The following NAT2 variants were observed in gnomAD, a reference collection of about 807,000 sequenced individuals.
The protein encoded by NAT2 is arylamine N-acetyltransferase 2.
For missense variants in NAT2, 428 were observed against 339.1 expected (o/e 1.26, Z -2.06); for synonymous variants, 137 against 125.9 (o/e 1.09, Z -0.59).
chr8:18,392,333 G>T lies in NAT2; in HGVS notation c.-7+988G>T, dbSNP rs551321298. Among the ~76,000 whole-genome samples, 7 of 152,136 alleles carry T rather than the reference G, an allele frequency of 4.6e-5. No homozygotes were observed. In the East Asian group the frequency reaches 1.3e-3, roughly 29 times the overall value. ...AGCTGAGGAGCAAGGAAGCCAGTCCGAGTCCCAAAACCTCAAAAGTAGGGA... is the reference window on the plus strand; with the variant it reads ...AGCTGAGGAGCAAGGAAGCCAGTCCTAGTCCCAAAACCTCAAAAGTAGGGA... On this transcript the variant is annotated intron_variant, in intron 1 of 1. Transcript: ENST00000286479.
upstream of NAT2, among the ~76,000 whole-genome samples, chr8:18,390,196 C>CAG (rs34745894): frequency 0.47 from 71,147 of 152,020 alleles, 17,566 homozygotes; most frequent in Middle Eastern, 0.6. Flanking sequence ...AGCCTTCCCA[C>CAG]AGAGTCCCGA....
At chr8:18,394,109 C>T (rs1392478407) in intron 1 of NAT2, among the ~76,000 whole-genome samples, 3 of 151,774 alleles carry the variant, frequency 2.0e-5, no homozygotes, top group South Asian at 4.2e-4. Flanking sequence ...AAAGTACAGT[C>T]AAAGGGGGGT....
chr8:18,398,933 G>A (rs900308886), intron 1 of NAT2, among the ~76,000 whole-genome samples: 8 of 152,150 alleles, frequency 5.3e-5, no homozygotes, highest in Non-Finnish European at 1.2e-4. Flanking sequence ...CCACACAGTA[G>A]CTAGACAGAT....
upstream of NAT2, among the ~76,000 whole-genome samples, chr8:18,388,164 CAA>C (rs1183021362): frequency 7.9e-5 from 12 of 152,158 alleles, no homozygotes; most frequent in African/African-American, 2.7e-4. Context: ...ACTGAGCACC[CAA>C]GAGTTTTAAA....
chr8:18,390,855 C>T (rs1189638690), upstream of NAT2, among the ~76,000 whole-genome samples: 1 of 152,058 alleles, frequency 6.6e-6, no homozygotes, highest in Non-Finnish European at 1.5e-5. Flanking sequence ...TGAAAAGAGG[C>T]AGAAGAAAAA....
At chr8:18,393,645 C>T (rs1227471233) in intron 1 of NAT2, among the ~76,000 whole-genome samples, 7 of 152,152 alleles carry the variant, frequency 4.6e-5, no homozygotes, top group Non-Finnish European at 7.3e-5. Flanking sequence ...AGCAGATATG[C>T]ATGAAGGTTG....
At chr8:18,399,060 TG>T (rs2117620087) in intron 1 of NAT2, among the ~76,000 whole-genome samples, 1 of 152,324 alleles carries the variant, frequency 6.6e-6, no homozygotes, top group Admixed American at 6.5e-5. Context: ...CCAAGGCCAC[TG>T]TTAGTTGTCA....
At chr8:18,389,201 T>C (rs998002286), upstream of NAT2, among the ~76,000 whole-genome samples, 7 of 152,196 alleles carry the variant, frequency 4.6e-5, no homozygotes, top group African/African-American at 1.7e-4. Flanking sequence ...GTGTCAGGTT[T>C]CCAACAATCA....
chr8:18,389,191 G>C (rs1251799278), upstream of NAT2, among the ~76,000 whole-genome samples: 2 of 152,114 alleles, frequency 1.3e-5, no homozygotes, highest in African/African-American at 4.8e-5. Flanking sequence ...TTAATTCCAG[G>C]TGTCAGGTTT....
chr8:18,400,582 G>A lies in NAT2; in HGVS notation c.579G>A (p.Thr193=), dbSNP rs144176822. ...KKKHQKIYLF[T]LEPRTIEDFE... Reference sequence around the variant, plus strand: ...AACACCAAAAAATATACTTATTTACGCTTGAACCTCGAACAATTGAAGATT... The same window carrying A: ...AACACCAAAAAATATACTTATTTACACTTGAACCTCGAACAATTGAAGATT... The change falls in exon 2 of 2, where the codon ACG becomes ACA. Residue 193 remains threonine (T), a synonymous_variant. Coordinates refer to ENST00000286479, the MANE Select transcript of NAT2 (RefSeq NM_000015.3). The A allele has an allele frequency of 1.8e-5, 29 of 1,612,810 alleles. No individual in the cohort carries two copies. Among genetic ancestry groups the A allele is most frequent in the African/African-American group, 1.1e-4 (8 of 74,782 alleles).
upstream of NAT2, among the ~76,000 whole-genome samples, chr8:18,391,070 C>G (rs1011277588): frequency 6.6e-6 from 1 of 152,110 alleles, no homozygotes; most frequent in Non-Finnish European, 1.5e-5. Flanking sequence ...GGGCACAGCT[C>G]TCCTAGCCTG....
Position 18,400,998 on chromosome 8 carries a change from C to A in NAT2, c.*122C>A. 1 of 609,976 alleles carries A rather than the reference C, an allele frequency of 1.6e-6. No homozygotes were observed. The highest frequency in any genetic ancestry group is 2.6e-6 in the Non-Finnish European group (1 of 384,230). 37.8% of individuals were successfully genotyped at this position (609,976 alleles called of 1,614,324 possible). A position where few individuals can be genotyped will look rare whatever the true frequency, so the allele number is the denominator to read the frequency against. ...TGAAGAAAATCCTAAACATCAAATA[C>A]TTTCATCCATAAAAATGTCAGCATT... On this transcript the variant is annotated 3_prime_UTR_variant, in exon 2 of 2. Transcript: ENST00000286479.
Position 18,400,397 on chromosome 8 carries a change from T to C in NAT2, c.394T>C (p.Trp132Arg). 6.2e-7 allele frequency: 1 copy of C among 1,611,876 alleles called. No individual in the cohort carries two copies. The highest frequency in any genetic ancestry group is 8.5e-7 in the Non-Finnish European group (1 of 1,179,292). Reference protein sequence around the residue: ...DAGSGSSSQMWQPLELISGKD... With the variant: ...DAGSGSSSQMRQPLELISGKD... ...TGGGTCTGGAAGCTCCTCCCAGATGTGGCAGCCTCTAGAATTAATTTCTGG... is the reference window on the plus strand; with the variant it reads ...TGGGTCTGGAAGCTCCTCCCAGATGCGGCAGCCTCTAGAATTAATTTCTGG... The change falls in exon 2 of 2, where the codon TGG becomes CGG. Residue 132 changes from tryptophan (W) to arginine (R), a missense_variant. Coordinates refer to ENST00000286479, the MANE Select transcript of NAT2 (RefSeq NM_000015.3).
At chr8:18,390,482 T>A (rs1323101005), upstream of NAT2, among the ~76,000 whole-genome samples, 2 of 152,190 alleles carry the variant, frequency 1.3e-5, no homozygotes, top group East Asian at 3.9e-4. Flanking sequence ...ACATGCTAAT[T>A]ACCATGATTT....
intron 1 of NAT2, among the ~76,000 whole-genome samples, chr8:18,395,950 TC>T (rs1800682244): frequency 9.2e-6 from 1 of 108,840 alleles, no homozygotes; most frequent in African/African-American, 3.9e-5. Context: ...CCCCAACCCA[TC>T]TTTTTTTTTT....
Position 18,400,519 on chromosome 8 carries a change from C to G in NAT2, c.516C>G (p.Asn172Lys). ...TCAGGAGAGAGCAGTATATTACAAA[C>G]AAAGAATTTCTTAATTCTCATCTCC... ...DQIRREQYIT[N>K]KEFLNSHLLP... The change falls in exon 2 of 2, where the codon AAC (asparagine) becomes AAG (lysine). Residue 172 changes from asparagine to lysine, a missense_variant. Transcript: ENST00000286479. 1.2e-6 allele frequency: 2 copies of G among 1,613,148 alleles called. No homozygotes were observed. Among genetic ancestry groups the G allele is most frequent in the Middle Eastern group, 1.7e-4 (1 of 6,046 alleles).
chr8:18,397,325 C>T (rs1176976101), intron 1 of NAT2, among the ~76,000 whole-genome samples: 3 of 151,236 alleles, frequency 2.0e-5, no homozygotes, highest in African/African-American at 7.3e-5. Flanking sequence ...TAAAAAGGAA[C>T]CAGTAAATAG....
chr8:18,394,547 C>G (rs1344162636), intron 1 of NAT2, among the ~76,000 whole-genome samples: 1 of 152,130 alleles, frequency 6.6e-6, no homozygotes, highest in African/African-American at 2.4e-5. Flanking sequence ...AAGGATTTAT[C>G]TGTTTCTACG....
At chr8:18,398,990 C>T (rs184983790) in intron 1 of NAT2, among the ~76,000 whole-genome samples, 198 of 152,296 alleles carry the variant, frequency 1.3e-3, no homozygotes, top group African/African-American at 4.6e-3. Context: ...CTTCTCTCAT[C>T]CTGTCTCACT....
Sources: allele counts gnomAD v4.1 joint callset (sites outside exome capture counted in the v4.1 genomes callset), GRCh38; gene constraint gnomAD v4.1.1; transcripts MANE v1.5; gene names NCBI Gene and HGNC (gene_info 2026-07-23, HGNC 2026-07-21).